POLR1D: variants seen among roughly 807,000 people sequenced by gnomAD.
The protein encoded by POLR1D is DNA-directed RNA polymerases I and III subunit RPAC2.
POLR1D carries 8 observed loss-of-function variants against 10.8 expected under a neutral mutation model. That is an observed-to-expected ratio of 0.74 (90% CI 0.43 to 1.33). The LOEUF (loss-of-function observed/expected upper bound fraction) is 1.33, where lower values mean the gene tolerates loss of function less well. Among genes scored for constraint, POLR1D ranks in the 40% most tolerant of loss-of-function variants. POLR1D has a pLI of 0.01. For missense variants in POLR1D, 152 were observed against 161.7 expected, an observed-to-expected ratio of 0.94 and a Z score of 0.32; for synonymous variants, 54 against 57.2, an observed-to-expected ratio of 0.94 and a Z score of 0.25.
intron 1 of POLR1D, among the ~76,000 whole-genome samples, chr13:27,638,006 A>AT (rs934874741): frequency 2.0e-5 from 3 of 151,922 alleles, no homozygotes; most frequent in African/African-American, 7.3e-5. Context: ...TATATGTACT[A>AT]TTTTTTCAAA....
At position 27,623,078 on chromosome 13, in the gene POLR1D, A is replaced by T; in HGVS notation, c.230A>T (p.Glu77Val). Residue 77 changes from glutamate to valine, a missense_variant, in exon 2 of 2, where the codon GAG becomes GTG. Glu to Val is a moderately radical substitution (Grantham distance 121). Transcript: ENST00000302979. ...GGTTACACTACGACCCATCCTTCAG[A>T]GAGCAAAATTAATTTACGCATTCAG... ...FCGYTTTHPS[E>V]SKINLRIQTR... 6.2e-7 allele frequency: 1 copy of T among 1,614,198 alleles called. No homozygotes were observed. The highest frequency in any genetic ancestry group is 8.5e-7 in the Non-Finnish European group (1 of 1,180,034).
chr13:27,644,342 T>G lies in POLR1D; in HGVS notation c.27-4037T>G, dbSNP rs539763227. Among the ~76,000 whole-genome samples the G allele has an allele frequency of 2.0e-5, 3 of 152,296 alleles. No individual in the cohort carries two copies. In the East Asian group the frequency reaches 5.8e-4, roughly 29 times the overall value. ...GAAACAGACCCAGATAACTCAAAAC[T>G]AATTTGTTTGACTTTGGATTTTAAG... On this transcript the variant is annotated intron_variant, in intron 1 of 2. Coordinates refer to the POLR1D transcript ENST00000399697.
downstream of POLR1D, among the ~76,000 whole-genome samples, chr13:27,627,380 G>A (rs1431041583): frequency 6.6e-6 from 1 of 151,616 alleles, no homozygotes; most frequent in Non-Finnish European, 1.5e-5. Flanking sequence ...TAGTAGCACA[G>A]TCCTGAGAAA....
At chr13:27,662,291 A>G (rs945104219) in intron 2 of POLR1D, among the ~76,000 whole-genome samples, 1 of 152,166 alleles carries the variant, frequency 6.6e-6, no homozygotes, top group Non-Finnish European at 1.5e-5. Flanking sequence ...CTTTGTATCC[A>G]AATAAGTCTC....
Position 27,623,416 on chromosome 13 carries a change from G to A in POLR1D, c.*166G>A, listed in dbSNP as rs951028670. 5.3e-5 allele frequency: 75 copies of A among 1,412,620 alleles called. No individual in the cohort carries two copies. The highest frequency in any genetic ancestry group is 6.8e-5 in the Non-Finnish European group (73 of 1,079,614). The allele number at this position is 1,412,620 out of a possible 1,614,324, so 87.5% of individuals were successfully genotyped here. On this transcript the variant is annotated 3_prime_UTR_variant, in exon 2 of 2. Transcript: ENST00000302979. ...TGTTGGAATCTCTGCAAGAACCTCT[G>A]TATTCTTCTAATAAATTCCCTCTTT...
intron 2 of POLR1D, among the ~76,000 whole-genome samples, chr13:27,661,774 A>C (rs1423818760): frequency 1.3e-5 from 2 of 152,234 alleles, no homozygotes; most frequent in African/African-American, 4.8e-5. Flanking sequence ...TGTACAGAGC[A>C]TGAGCAGAGG....
intron 2 of POLR1D, chr13:27,651,594 G>T (rs1442521071): frequency 6.6e-6 from 1 of 152,072 alleles, no homozygotes; most frequent in African/African-American, 2.4e-5. Context: ...CTTAGCTTCA[G>T]TAAAATACCT....
At chr13:27,660,454 T>A (rs984071192) in intron 2 of POLR1D, among the ~76,000 whole-genome samples, 13 of 152,236 alleles carry the variant, frequency 8.5e-5, no homozygotes, top group Admixed American at 8.5e-4. Context: ...AAGGTGTCTA[T>A]TCCCTAACCA....
chr13:27,620,979 C>G (rs372393530), upstream of POLR1D: 2 of 152,596 alleles, frequency 1.3e-5, no homozygotes, highest in East Asian at 1.9e-4. Flanking sequence ...CAGCTGGAGT[C>G]GGGCAGGGTC....
At chr13:27,637,800 A>T (rs893225018) in intron 1 of POLR1D, among the ~76,000 whole-genome samples, 7 of 150,922 alleles carry the variant, frequency 4.6e-5, no homozygotes, top group African/African-American at 1.7e-4. Flanking sequence ...CATTAAAAAA[A>T]ATTTTTTTTT....
At chr13:27,661,169 C>T (rs1299758759) in intron 2 of POLR1D, among the ~76,000 whole-genome samples, 1 of 152,202 alleles carries the variant, frequency 6.6e-6, no homozygotes, top group African/African-American at 2.4e-5. Context: ...GGAACCCTTC[C>T]ATCACAGCCT....
chr13:27,624,196 G>A (rs1447477293), downstream of POLR1D, among the ~76,000 whole-genome samples: 2 of 152,158 alleles, frequency 1.3e-5, no homozygotes, highest in Admixed American at 1.3e-4. Flanking sequence ...TATGTGTCAG[G>A]CCTCTCAGCC....
chr13:27,666,168 G>A (rs1956416677), exon 3 of POLR1D: 1 of 575,854 alleles, frequency 1.7e-6, no homozygotes, highest in Admixed American at 3.1e-5. Flanking sequence ...GCAAGTTTAA[G>A]CTACTTCTGC....
At position 27,649,003 on chromosome 13, in the gene POLR1D, T is replaced by C. The variant is rs568637387; in HGVS notation, c.101+550T>C. The stretch of plus-strand genomic sequence containing the variant: ...ACTTTGGGAGGCCAAGGTGGGAGTA[T>C]TGTTTGAGCCCAAGAGTTTGAGAAT... On this transcript the variant is annotated intron_variant, in intron 2 of 2. Coordinates refer to the POLR1D transcript ENST00000399697. 5.9e-5 allele frequency among the ~76,000 whole-genome samples: 9 copies of C among 152,298 alleles called. No homozygotes were observed. In the South Asian group the frequency reaches 1.5e-3, roughly 25 times the overall value.
intron 2 of POLR1D, among the ~76,000 whole-genome samples, chr13:27,653,493 T>A (rs1362546396): frequency 2.0e-5 from 3 of 152,092 alleles, no homozygotes; most frequent in African/African-American, 7.2e-5. Flanking sequence ...GGATGTGAAA[T>A]TACACTTTCC....
At chr13:27,634,811 G>A (rs1406093417) in intron 1 of POLR1D, among the ~76,000 whole-genome samples, 1 of 151,852 alleles carries the variant, frequency 6.6e-6, no homozygotes, top group African/African-American at 2.4e-5. Context: ...AAGTAGCTGG[G>A]ACCATAGGTT....
intron 2 of POLR1D, among the ~76,000 whole-genome samples, chr13:27,662,763 A>G (rs988320994): frequency 1.3e-5 from 2 of 152,246 alleles, no homozygotes; most frequent in Non-Finnish European, 2.9e-5. Context: ...ATTAAATAGT[A>G]GGCTGTGAAC....
Position 27,636,929 on chromosome 13 carries a change from G to A in POLR1D, c.27-11450G>A, listed in dbSNP as rs118039580. Among the ~76,000 whole-genome samples the A allele has an allele frequency of 8.6e-5, 13 of 150,748 alleles. No individual in the cohort carries two copies. In the East Asian group the frequency reaches 1.4e-3, roughly 16 times the overall value. On this transcript the variant is annotated intron_variant, in intron 1 of 2. Coordinates refer to the POLR1D transcript ENST00000399697. ...CTACTTAAAGTATAGTTTTAATTCA[G>A]GGACAAGAAAAGATTGTGTTTAAGT...
intron 1 of POLR1D, among the ~76,000 whole-genome samples, chr13:27,634,842 A>T (rs1956107448): frequency 6.6e-6 from 1 of 151,792 alleles, no homozygotes; most frequent in Non-Finnish European, 1.5e-5. Flanking sequence ...AGCCTGGCTA[A>T]TTTTTGTATT....
Sources: gnomAD v4.1 joint callset for allele counts (sites outside exome capture counted in the v4.1 genomes callset) on GRCh38, gnomAD v4.1.1 for gene constraint, MANE v1.5 for transcripts, NCBI Gene and HGNC (gene_info 2026-07-23, HGNC 2026-07-21) for gene names.